NCOA2: variants seen among roughly 807,000 people sequenced by gnomAD.
NCOA2 encodes nuclear receptor coactivator 2.
In NCOA2, 21 loss-of-function variants were observed where a neutral mutation model predicts 145.1. The ratio of observed to expected loss-of-function variants is 0.14; its 90% CI spans 0.10 to 0.21. The LOEUF (loss-of-function observed/expected upper bound fraction) is 0.21. NCOA2 is among the 10% of genes least tolerant of loss of function. The pLI is 1.00. For missense variants in NCOA2, 1,472 were observed against 1,837.6 expected (o/e 0.80, Z 3.64); for synonymous variants, 619 against 637.5 (o/e 0.97, Z 0.44).
At chr8:70,345,203 C>T (rs1460800653) in intron 1 of NCOA2, among the ~76,000 whole-genome samples, 1 of 152,186 alleles carries the variant, frequency 6.6e-6, no homozygotes, top group African/African-American at 2.4e-5. Flanking sequence ...TAGGGGTAAA[C>T]AATCATGCCA....
intron 1 of NCOA2, among the ~76,000 whole-genome samples, chr8:70,341,044 T>C (rs1038973937): frequency 6.9e-6 from 1 of 144,294 alleles, no homozygotes; most frequent in Admixed American, 7.0e-5. Flanking sequence ...GTAACAAAAC[T>C]GTACATCCTG....
intron 4 of NCOA2, among the ~76,000 whole-genome samples, chr8:70,208,076 T>A (rs1026051225): frequency 6.6e-6 from 1 of 151,604 alleles, no homozygotes; most frequent in Non-Finnish European, 1.5e-5. Context: ...CCTAGTGAGA[T>A]CCCATCTCTG....
intron 2 of NCOA2, among the ~76,000 whole-genome samples, chr8:70,293,550 T>C (rs1826866110): frequency 6.6e-6 from 1 of 152,238 alleles, no homozygotes; most frequent in South Asian, 2.1e-4. Context: ...AGTTGGGCTG[T>C]ACTTAGCATG....
intron 4 of NCOA2, among the ~76,000 whole-genome samples, chr8:70,209,496 A>C (rs1223720007): frequency 6.6e-6 from 1 of 152,238 alleles, no homozygotes; most frequent in Non-Finnish European, 1.5e-5. Context: ...GTACAGAGAA[A>C]TCTTTCATGA....
chr8:70,430,907 C>T, the NCOA2 span, among the ~76,000 whole-genome samples: 1 of 152,028 alleles, frequency 6.6e-6, no homozygotes, highest in Non-Finnish European at 1.5e-5. Flanking sequence ...TTTTTTTCTA[C>T]CTTATCTATC....
intron 15 of NCOA2, 94 bp downstream of exon 15, chr8:70,138,109 A>ATAATAGTGCC (rs1809954061): frequency 7.3e-7 from 1 of 1,364,500 alleles, no homozygotes; most frequent in South Asian, 1.4e-5. Context: ...GTACCAATAA[A>ATAATAGTGCC]TGAAAACTGG....
At chr8:70,264,290 G>A (rs1044527447) in intron 2 of NCOA2, among the ~76,000 whole-genome samples, 2 of 151,998 alleles carry the variant, frequency 1.3e-5, no homozygotes, top group Non-Finnish European at 2.9e-5. Flanking sequence ...GGCTGAGGCA[G>A]GAGGATCGCC....
intron 9 of NCOA2, among the ~76,000 whole-genome samples, chr8:70,160,911 T>C: frequency 6.6e-6 from 1 of 152,222 alleles, no homozygotes; most frequent in Non-Finnish European, 1.5e-5. Flanking sequence ...GTCTAAAAGA[T>C]GACATAAATG....
the NCOA2 span, among the ~76,000 whole-genome samples, chr8:70,442,020 A>C: frequency 3.8e-5 from 5 of 130,714 alleles, no homozygotes; most frequent in African/African-American, 1.4e-4. Flanking sequence ...AAAGGAAAGA[A>C]AGAAAGAGAA....
intron 1 of NCOA2, among the ~76,000 whole-genome samples, chr8:70,314,409 T>C (rs1306444286): frequency 6.6e-6 from 1 of 152,066 alleles, no homozygotes; most frequent in Non-Finnish European, 1.5e-5. Context: ...AGGAATTATG[T>C]CTAAACTACT....
intron 2 of NCOA2, among the ~76,000 whole-genome samples, chr8:70,256,817 C>T (rs940998010): frequency 6.6e-6 from 1 of 152,162 alleles, no homozygotes; most frequent in African/African-American, 2.4e-5. Flanking sequence ...AGAGTCTGTG[C>T]TCTCAATCAC....
intron 4 of NCOA2, among the ~76,000 whole-genome samples, chr8:70,195,753 A>C (rs1260475288): frequency 2.0e-5 from 3 of 152,200 alleles, no homozygotes; most frequent in Non-Finnish European, 4.4e-5. Flanking sequence ...GGCTACAGAA[A>C]TCCCACGTTC....
chr8:70,449,190 A>G, the NCOA2 span, among the ~76,000 whole-genome samples: 1 of 152,222 alleles, frequency 6.6e-6, no homozygotes, highest in African/African-American at 2.4e-5. Flanking sequence ...TACAAGTTTC[A>G]TGTCCCTTAT....
the NCOA2 span, among the ~76,000 whole-genome samples, chr8:70,414,932 A>T: frequency 1.3e-5 from 2 of 151,002 alleles, no homozygotes; most frequent in South Asian, 4.2e-4. Context: ...AATGCACAAA[A>T]TGATAAAAAA....
chr8:70,169,988 A>G (rs1814052774), intron 6 of NCOA2, among the ~76,000 whole-genome samples: 1 of 152,150 alleles, frequency 6.6e-6, no homozygotes, highest in Non-Finnish European at 1.5e-5. Flanking sequence ...ATCGAAAATG[A>G]TCACTCATTT....
intron 15 of NCOA2, among the ~76,000 whole-genome samples, chr8:70,135,890 G>A (rs150274525): frequency 9.2e-5 from 14 of 152,164 alleles, no homozygotes; most frequent in East Asian, 7.7e-4. Context: ...CATTAAGTAC[G>A]GGACTAAGAA....
chr8:70,450,137 T>C, the NCOA2 span, among the ~76,000 whole-genome samples: 2 of 152,214 alleles, frequency 1.3e-5, no homozygotes, highest in Admixed American at 1.3e-4. Flanking sequence ...CATAGGAGCA[T>C]ACAAGGGTGC....
intron 2 of NCOA2, among the ~76,000 whole-genome samples, chr8:70,283,887 T>G (rs1222193137): frequency 6.6e-6 from 1 of 152,208 alleles, no homozygotes; most frequent in Non-Finnish European, 1.5e-5. Flanking sequence ...TTTTGGAGGA[T>G]TTCAGATATG....
At chr8:70,343,732 A>G (rs1323900463) in intron 1 of NCOA2, among the ~76,000 whole-genome samples, 1 of 150,868 alleles carries the variant, frequency 6.6e-6, no homozygotes, top group East Asian at 1.9e-4. Flanking sequence ...AATCGCTTGA[A>G]CCCGGGAGGC....
Sources: gnomAD v4.1 joint callset for allele counts (sites outside exome capture counted in the v4.1 genomes callset) on GRCh38, gnomAD v4.1.1 for gene constraint, MANE v1.5 for transcripts, NCBI Gene and HGNC (gene_info 2026-07-23, HGNC 2026-07-21) for gene names.